RNF130: variants seen among roughly 807,000 people sequenced by gnomAD.
The protein encoded by RNF130 is ring finger protein 130.
Under a neutral mutation model 44.6 loss-of-function variants are expected in RNF130, and 21 were observed. That is an observed-to-expected ratio of 0.47 (90% CI 0.33 to 0.68). The LOEUF is 0.68. RNF130 is among the 30% of genes least tolerant of loss of function. The pLI, the probability that RNF130 is intolerant of heterozygous loss-of-function variation, is 0.02. For synonymous variants in RNF130, 214 were observed against 210.4 expected (o/e 1.02, Z -0.15); for missense variants, 479 against 560.6 (o/e 0.85, Z 1.47).
intron 1 of RNF130, among the ~76,000 whole-genome samples, chr5:180,069,020 T>G (rs1414806021): frequency 6.6e-6 from 1 of 152,242 alleles, no homozygotes; most frequent in Non-Finnish European, 1.5e-5. Flanking sequence ...TAAATCAAGA[T>G]TATAATGTAA....
intron 3 of RNF130, among the ~76,000 whole-genome samples, chr5:180,010,514 C>A (rs1348925596): frequency 6.6e-6 from 1 of 152,032 alleles, no homozygotes; most frequent in Admixed American, 6.5e-5. Context: ...CGCATGGCAC[C>A]TTGCCCAGCT....
At chr5:180,057,297 C>T (rs902052707) in intron 1 of RNF130, among the ~76,000 whole-genome samples, 3 of 152,222 alleles carry the variant, frequency 2.0e-5, no homozygotes, top group African/African-American at 4.8e-5. Context: ...GCCTGTAATC[C>T]CAGCACTTTG....
At chr5:179,958,434 A>G (rs1410124950) in intron 8 of RNF130, among the ~76,000 whole-genome samples, 1 of 152,194 alleles carries the variant, frequency 6.6e-6, no homozygotes. Context: ...ACTGCTTTTG[A>G]TATTTAAGGT....
At chr5:180,001,216 A>G (rs1450345915) in intron 3 of RNF130, among the ~76,000 whole-genome samples, 1 of 152,080 alleles carries the variant, frequency 6.6e-6, no homozygotes, top group African/African-American at 2.4e-5. Flanking sequence ...TATCCTTTCA[A>G]AGGCCTTTGG....
chr5:179,937,586 C>T (rs555295279), intron 7 of RNF130, among the ~76,000 whole-genome samples: 18 of 152,186 alleles, frequency 1.2e-4, no homozygotes, highest in African/African-American at 4.3e-4. Flanking sequence ...AAATCAGAAC[C>T]CTTATACATT....
At chr5:179,952,717 G>A (rs773846848), downstream of RNF130, among the ~76,000 whole-genome samples, 1 of 152,170 alleles carries the variant, frequency 6.6e-6, no homozygotes, top group Non-Finnish European at 1.5e-5. Context: ...CACATTCATA[G>A]GATAGAATAG....
At chr5:179,984,633 T>C (rs899031970) in intron 3 of RNF130, among the ~76,000 whole-genome samples, 1 of 152,190 alleles carries the variant, frequency 6.6e-6, no homozygotes, top group East Asian at 1.9e-4. Flanking sequence ...TATTGTTAAA[T>C]ATAATTTGCT....
intron 1 of RNF130, among the ~76,000 whole-genome samples, chr5:180,070,568 C>G (rs1212773827): frequency 1.3e-5 from 2 of 152,166 alleles, no homozygotes; most frequent in African/African-American, 4.8e-5. Flanking sequence ...AAAGAAAAAT[C>G]CCCTCTCAGC....
chr5:179,914,032 C>A (rs186484845), exon 8 of RNF130: 2 of 152,296 alleles, frequency 1.3e-5, no homozygotes, highest in African/African-American at 4.8e-5. Context: ...ACACACAGGG[C>A]TTCTCCCAGT....
At chr5:179,933,398 TTG>T (rs71001060) in intron 7 of RNF130, among the ~76,000 whole-genome samples, 14 of 143,396 alleles carry the variant, frequency 9.8e-5, no homozygotes, top group South Asian at 4.6e-4. Context: ...ATAACCCTAT[TTG>T]TGTGTGTGTG....
At chr5:180,041,529 TAAG>T (rs10556651) in intron 1 of RNF130, among the ~76,000 whole-genome samples, 16,133 of 152,168 alleles carry the variant, frequency 0.11, 1,822 homozygotes, top group African/African-American at 0.29. Flanking sequence ...CTGCAAATCT[TAAG>T]AAGAAGCCCC....
intron 3 of RNF130, among the ~76,000 whole-genome samples, chr5:180,002,840 T>C (rs967017343): frequency 2.6e-5 from 4 of 152,190 alleles, no homozygotes; most frequent in Admixed American, 1.3e-4. Context: ...TGTTTATTTA[T>C]TGTTCAGGCT....
At chr5:179,927,628 G>A (rs1166352573) in intron 7 of RNF130, among the ~76,000 whole-genome samples, 1 of 134,158 alleles carries the variant, frequency 7.5e-6, no homozygotes, top group African/African-American at 2.8e-5. Context: ...TCACTCTGTC[G>A]CCCAGGCTGG....
At chr5:180,013,978 T>C (rs1174718841) in intron 2 of RNF130, among the ~76,000 whole-genome samples, 6 of 152,192 alleles carry the variant, frequency 3.9e-5, no homozygotes, top group African/African-American at 1.4e-4. Flanking sequence ...TGTCCAGACT[T>C]GAGTGGAGTT....
chr5:179,939,131 C>G (rs1444293779), intron 7 of RNF130, among the ~76,000 whole-genome samples: 1 of 152,046 alleles, frequency 6.6e-6, no homozygotes, highest in African/African-American at 2.4e-5. Context: ...GCAGGAGAAT[C>G]GCTTGAACTC....
Position 180,057,320 on chromosome 5 carries a change from G to A in RNF130, c.247+14136C>T, listed in dbSNP as rs529329323. Among the ~76,000 whole-genome samples, 230 of 152,314 alleles carry A rather than the reference G, an allele frequency of 1.5e-3. 6 individuals are homozygous for A. The highest frequency in any genetic ancestry group is 6.6e-3 in the Admixed American group (101 of 15,294). ...TCCCAGCACTTTGGGAGGCCGAGGC[G>A]GGAGGATCACCCGAGGTCAGGAGTT... On this transcript the variant is annotated intron_variant, in intron 1 of 8. Coordinates refer to ENST00000521389, the MANE Select transcript of RNF130 (RefSeq NM_018434.6).
In RNF130 at chr5:180,040,458, T is replaced by A. The variant is rs1330736292; in HGVS notation, c.437A>T (p.His146Leu). The A allele has an allele frequency of 6.2e-7, 1 of 1,609,062 alleles. No homozygotes were observed. Among genetic ancestry groups the A allele is most frequent in the South Asian group, 1.1e-5 (1 of 90,232 alleles). Reference protein sequence around the residue: ...KSKEEPVTMTHPGTGDIIAVM... With the variant: ...KSKEEPVTMTLPGTGDIIAVM... ...CAACCCTCATTTTTGTTTACCTGGA[T>A]GAGTCATGGTAACTGGCTCCTCTTT... Residue 146 changes from histidine (H) to leucine (L), a missense_variant, in exon 2 of 9, where the codon CAT becomes CTT. Coordinates refer to ENST00000521389, the MANE Select transcript of RNF130 (RefSeq NM_018434.6).
chr5:180,025,309 T>A (rs1763960466), intron 2 of RNF130, among the ~76,000 whole-genome samples: 1 of 152,224 alleles, frequency 6.6e-6, no homozygotes, highest in Non-Finnish European at 1.5e-5. Context: ...CAAACCCATG[T>A]AGATCCTTTA....
At chr5:179,995,110 AGAT>A (rs2113041728) in intron 3 of RNF130, among the ~76,000 whole-genome samples, 1 of 152,302 alleles carries the variant, frequency 6.6e-6, no homozygotes, top group African/African-American at 2.4e-5. Context: ...GCCTAGGCAA[AGAT>A]GAGAGCAACT....
Sources: allele counts gnomAD v4.1 joint callset (sites outside exome capture counted in the v4.1 genomes callset), GRCh38; gene constraint gnomAD v4.1.1; transcripts MANE v1.5; gene names NCBI Gene and HGNC (gene_info 2026-07-23, HGNC 2026-07-21).